Variants in MBD5 observed in about 807,000 individuals in gnomAD.
The protein encoded by MBD5 is methyl-CpG-binding domain protein 5.
MBD5 carries 13 observed loss-of-function variants against 117.3 expected under a neutral mutation model. That is an observed-to-expected ratio of 0.11 (90% CI 0.07 to 0.18). The LOEUF (loss-of-function observed/expected upper bound fraction) is 0.18. MBD5 is among the 10% of genes least tolerant of loss of function. The pLI, the probability that MBD5 is intolerant of heterozygous loss-of-function variation, is 1.00. For synonymous variants in MBD5, 727 were observed against 766.4 expected (o/e 0.95, Z 0.85); for missense variants, 1,879 against 2,093.8 (o/e 0.90, Z 2.00).
Position 148,490,031 on chromosome 2 carries a change from G to T in MBD5, c.4399G>T (p.Val1467Phe), listed in dbSNP as rs1681472634. 1 of 1,613,774 alleles carries T rather than the reference G, an allele frequency of 6.2e-7. No homozygotes were observed. The highest frequency in any genetic ancestry group is 8.5e-7 in the Non-Finnish European group (1 of 1,179,980). The stretch of plus-strand genomic sequence containing the variant: ...TCCTTGTCATGAAAGGCCCAACAAT[G>T]TCTCTACACTGCCATTTCTGCCTGG... ...SSPCHERPNN[V>F]STLPFLPGEQ... The change falls in exon 11 of 14, where the codon GTC becomes TTC. Residue 1467 changes from valine (V) to phenylalanine (F), a missense_variant. Physicochemically the swap from Val to Phe is conservative, Grantham distance 50 (BLOSUM62 -1). This residue lies in a region of MBD5 where 1,666 missense variants were observed against 1,792.2 expected (regional missense o/e 0.93). Transcript: ENST00000642680.
chr2:148,121,006 A>G (rs550741020), intron 1 of MBD5, among the ~76,000 whole-genome samples: 1 of 152,352 alleles, frequency 6.6e-6, no homozygotes, highest in South Asian at 2.1e-4. Context: ...GCATTTTTAC[A>G]ATAGATTCGT....
At chr2:148,199,734 T>C (rs1699088646) in intron 2 of MBD5, among the ~76,000 whole-genome samples, 2 of 151,928 alleles carry the variant, frequency 1.3e-5, no homozygotes, top group African/African-American at 4.8e-5. Context: ...TACTCCAGCC[T>C]GGGTGACAGA....
intron 3 of MBD5, among the ~76,000 whole-genome samples, chr2:148,321,912 C>G (rs778181355): frequency 7.2e-5 from 11 of 152,114 alleles, no homozygotes; most frequent in Non-Finnish European, 1.0e-4. Context: ...ATGCCATACT[C>G]TCTTTGAACC....
intron 11 of MBD5, 133 bp downstream of exon 11, chr2:148,490,727 T>A: frequency 1.8e-6 from 2 of 1,095,636 alleles, no homozygotes; most frequent in Non-Finnish European, 2.6e-6. Flanking sequence ...TCTCACAAGC[T>A]TCTGGAGCAT....
chr2:148,121,068 T>C (rs1187629677), intron 1 of MBD5, among the ~76,000 whole-genome samples: 4 of 152,226 alleles, frequency 2.6e-5, no homozygotes, highest in Non-Finnish European at 4.4e-5. Context: ...AGCCAAAATA[T>C]CTTTCACCTT....
At chr2:148,426,332 C>A (rs1308838514) in intron 4 of MBD5, among the ~76,000 whole-genome samples, 3 of 152,044 alleles carry the variant, frequency 2.0e-5, no homozygotes, top group African/African-American at 7.3e-5. Context: ...AAAAAAGAGC[C>A]CGCATCGCAA....
At chr2:148,083,103 T>C (rs1695687556) in intron 1 of MBD5, among the ~76,000 whole-genome samples, 1 of 152,214 alleles carries the variant, frequency 6.6e-6, no homozygotes, top group Non-Finnish European at 1.5e-5. Context: ...TTGCCAGTTT[T>C]CATCACTAGT....
chr2:148,054,235 T>C (rs1694796267), intron 1 of MBD5, among the ~76,000 whole-genome samples: 1 of 152,214 alleles, frequency 6.6e-6, no homozygotes, highest in Non-Finnish European at 1.5e-5. Flanking sequence ...TGATTATGTA[T>C]AAATTCTCTT....
At chr2:148,281,602 GT>G (rs1008465582) in intron 3 of MBD5, among the ~76,000 whole-genome samples, 2 of 151,730 alleles carry the variant, frequency 1.3e-5, no homozygotes, top group African/African-American at 4.8e-5. Flanking sequence ...TTTCAATTGT[GT>G]TTGTTGACTT....
intron 3 of MBD5, among the ~76,000 whole-genome samples, chr2:148,289,753 T>C (rs1270740669): frequency 2.6e-5 from 4 of 152,172 alleles, no homozygotes; most frequent in Non-Finnish European, 4.4e-5. Flanking sequence ...AATAATTTGC[T>C]TAAATGTGGA....
At chr2:148,240,548 C>T (rs1700196019) in intron 3 of MBD5, among the ~76,000 whole-genome samples, 1 of 152,194 alleles carries the variant, frequency 6.6e-6, no homozygotes, top group African/African-American at 2.4e-5. Flanking sequence ...CTGCACCCAA[C>T]CTCATTATGA....
chr2:148,104,619 G>A (rs1249960148), intron 1 of MBD5, among the ~76,000 whole-genome samples: 2 of 152,268 alleles, frequency 1.3e-5, no homozygotes, highest in Non-Finnish European at 2.9e-5. Context: ...ATTTGCAGTT[G>A]TATTGTTAAT....
chr2:148,385,461 C>T (rs1704321763), intron 4 of MBD5, among the ~76,000 whole-genome samples: 1 of 152,110 alleles, frequency 6.6e-6, no homozygotes, highest in Admixed American at 6.6e-5. Context: ...CAGGAAACAA[C>T]ATGTGCTGGA....
intron 3 of MBD5, among the ~76,000 whole-genome samples, chr2:148,306,867 A>C (rs1284170839): frequency 1.3e-5 from 2 of 152,188 alleles, no homozygotes; most frequent in Non-Finnish European, 2.9e-5. Context: ...AGTCCTATGA[A>C]TGTCATACAA....
chr2:148,111,638 G>A (rs1244534979), intron 1 of MBD5, among the ~76,000 whole-genome samples: 8 of 152,094 alleles, frequency 5.3e-5, no homozygotes, highest in Non-Finnish European at 1.5e-5. Context: ...ACTATTATAT[G>A]TGAGAATATC....
rs79418370 is a variant in MBD5, at chr2:148,109,142, A to G, written c.-924-69558A>G. ...ATTGTTAACATACTTATATTTGGCC[A>G]GGTGTGGTGACTCATGCCTATAATC... On this transcript the variant is annotated intron_variant, in intron 1 of 13. Transcript: ENST00000642680. Among the ~76,000 whole-genome samples, 1,096 of 152,266 alleles carry G rather than the reference A, an allele frequency of 7.2e-3. 11 individuals are homozygous for G. Among genetic ancestry groups the G allele is most frequent in the African/African-American group, 0.025 (1,022 of 41,562 alleles).
chr2:148,058,333 A>T (rs1296785613), intron 1 of MBD5, among the ~76,000 whole-genome samples: 1 of 152,078 alleles, frequency 6.6e-6, no homozygotes, highest in African/African-American at 2.4e-5. Flanking sequence ...TAATTGTTCA[A>T]TATTCCTTAG....
chr2:148,246,553 G>A (rs756915766), intron 3 of MBD5, among the ~76,000 whole-genome samples: 1 of 152,022 alleles, frequency 6.6e-6, no homozygotes, highest in Non-Finnish European at 1.5e-5. Context: ...GGTGGATCAT[G>A]AAGTCAGGAG....
chr2:148,098,786 C>T (rs1288127907), intron 1 of MBD5, among the ~76,000 whole-genome samples: 1 of 152,052 alleles, frequency 6.6e-6, no homozygotes, highest in Non-Finnish European at 1.5e-5. Flanking sequence ...TGTGGTGGCT[C>T]ATGCCTGTAG....
Sources: allele counts gnomAD v4.1 joint callset (sites outside exome capture counted in the v4.1 genomes callset), GRCh38; gene constraint gnomAD v4.1.1; regional missense constraint gnomAD v4.1.1; transcripts MANE v1.5; gene names NCBI Gene and HGNC (gene_info 2026-07-23, HGNC 2026-07-21).